Variants in RANBP17 observed in about 807,000 individuals in gnomAD.
RANBP17 encodes the protein ran-binding protein 17.
Under a neutral mutation model 141.2 loss-of-function variants are expected in RANBP17, and 158 were observed. That is an observed-to-expected ratio of 1.12 (90% confidence interval 0.98 to 1.28). The LOEUF (loss-of-function observed/expected upper bound fraction) is 1.28. Among genes scored for constraint, RANBP17 ranks in the 50% most tolerant of loss-of-function variants. The pLI is 0.00. For synonymous variants in RANBP17, 430 were observed against 450.0 expected (o/e 0.96, Z 0.56); for missense variants, 1,438 against 1,290.7 (o/e 1.11, Z -1.75).
intron 14 of RANBP17, among the ~76,000 whole-genome samples, chr5:171,168,434 A>T (rs1331377436): frequency 2.0e-5 from 3 of 152,198 alleles, no homozygotes; most frequent in African/African-American, 7.2e-5. Context: ...GGCTGAGGCC[A>T]AGTTGTGAAA....
intron 3 of RANBP17, among the ~76,000 whole-genome samples, chr5:170,884,111 A>T (rs1768952433): frequency 6.6e-6 from 1 of 152,166 alleles, no homozygotes; most frequent in East Asian, 1.9e-4. Flanking sequence ...CCTTGCCAGC[A>T]TTTGCCATTT....
At chr5:171,057,407 T>C (rs1783466092) in intron 14 of RANBP17, among the ~76,000 whole-genome samples, 1 of 152,156 alleles carries the variant, frequency 6.6e-6, no homozygotes, top group African/African-American at 2.4e-5. Context: ...TGTTTATATA[T>C]GTGTTTATTG....
intron 18 of RANBP17, among the ~76,000 whole-genome samples, chr5:171,192,232 TG>T (rs1034049892): frequency 5.9e-5 from 9 of 151,966 alleles, no homozygotes; most frequent in African/African-American, 2.2e-4. Flanking sequence ...CATGGGGGGA[TG>T]GGGGAGTGGG....
intron 5 of RANBP17, chr5:170,897,131 C>A: frequency 1.2e-6 from 1 of 826,842 alleles, no homozygotes. Context: ...TCTGCAGGGA[C>A]CACTGAGAGA....
chr5:170,985,330 G>T (rs1778074364), intron 14 of RANBP17, among the ~76,000 whole-genome samples: 1 of 152,094 alleles, frequency 6.6e-6, no homozygotes, highest in Non-Finnish European at 1.5e-5. Flanking sequence ...AATACGTGTT[G>T]TTAAGGTCCT....
At chr5:171,136,605 C>G (rs1402489093) in intron 14 of RANBP17, among the ~76,000 whole-genome samples, 1 of 152,070 alleles carries the variant, frequency 6.6e-6, no homozygotes, top group Non-Finnish European at 1.5e-5. Flanking sequence ...GCTATCAGGA[C>G]TCTTTAAAAG....
intron 14 of RANBP17, among the ~76,000 whole-genome samples, chr5:171,104,491 C>T (rs1262523211): frequency 6.6e-6 from 1 of 152,180 alleles, no homozygotes; most frequent in African/African-American, 2.4e-5. Flanking sequence ...TGCCTTTTTA[C>T]TTCTGCTTCA....
intron 14 of RANBP17, among the ~76,000 whole-genome samples, chr5:171,062,855 G>T (rs567240211): frequency 6.6e-6 from 1 of 151,860 alleles, no homozygotes; most frequent in Non-Finnish European, 1.5e-5. Flanking sequence ...GGCTTTGTTC[G>T]TTTCTTTTTA....
intron 14 of RANBP17, among the ~76,000 whole-genome samples, chr5:171,016,513 T>C (rs1431692116): frequency 2.0e-5 from 3 of 152,044 alleles, no homozygotes; most frequent in African/African-American, 4.8e-5. Context: ...ATCTGGTTTT[T>C]GTTCTTTTTT....
intron 14 of RANBP17, among the ~76,000 whole-genome samples, chr5:171,142,882 G>C (rs1757795446): frequency 6.6e-6 from 1 of 152,212 alleles, no homozygotes; most frequent in Non-Finnish European, 1.5e-5. Flanking sequence ...TTCAGACCTT[G>C]AGCTCTTAAG....
In RANBP17 at chr5:170,957,250, T is replaced by C. The variant is rs954090243; in HGVS notation, c.1574+3548T>C. Among the ~76,000 whole-genome samples the C allele has an allele frequency of 3.3e-5, 5 of 151,816 alleles. No individual in the cohort carries two copies. In the South Asian group the frequency reaches 1.0e-3, roughly 31 times the overall value. On this transcript the variant is annotated intron_variant, in intron 13 of 27. Transcript: ENST00000523189. Reference sequence around the variant, plus strand: ...TTGAACTAAGATTTGTGTTTTGGCCTGCATTCCCTGGAAAACAGAGCCTTG... The same window carrying C: ...TTGAACTAAGATTTGTGTTTTGGCCCGCATTCCCTGGAAAACAGAGCCTTG...
chr5:171,093,795 G>A (rs986551086), intron 14 of RANBP17, among the ~76,000 whole-genome samples: 4 of 152,178 alleles, frequency 2.6e-5, no homozygotes, highest in South Asian at 2.1e-4. Flanking sequence ...ATAGAGTAAT[G>A]CAGACTAAAT....
chr5:171,134,686 G>A (rs1178395021), intron 14 of RANBP17, among the ~76,000 whole-genome samples: 1 of 152,144 alleles, frequency 6.6e-6, no homozygotes, highest in Admixed American at 6.5e-5. Flanking sequence ...AGCCCAGGTC[G>A]AGGCAGGTGG....
chr5:171,230,950 T>C (rs1306203432), intron 22 of RANBP17, among the ~76,000 whole-genome samples: 2 of 152,012 alleles, frequency 1.3e-5, no homozygotes, highest in Non-Finnish European at 2.9e-5. Context: ...TTTTGTTTTT[T>C]TGTTGAGACA....
At chr5:171,232,204 A>G (rs1263871291) in intron 22 of RANBP17, among the ~76,000 whole-genome samples, 1 of 152,226 alleles carries the variant, frequency 6.6e-6, no homozygotes, top group African/African-American at 2.4e-5. Context: ...TAATATGCTT[A>G]TAAAATAACC....
At chr5:171,171,897 C>A (rs1366010282) in intron 16 of RANBP17, among the ~76,000 whole-genome samples, 1 of 151,882 alleles carries the variant, frequency 6.6e-6, no homozygotes, top group African/African-American at 2.4e-5. Context: ...CTCTGTCTAG[C>A]AGATTTTTAA....
chr5:171,062,223 G>A (rs1365099903), intron 14 of RANBP17, among the ~76,000 whole-genome samples: 1 of 152,072 alleles, frequency 6.6e-6, no homozygotes, highest in Non-Finnish European at 1.5e-5. Context: ...TGGTGATTTT[G>A]CTCGTTAGTT....
chr5:171,108,811 G>A (rs173465), intron 14 of RANBP17, among the ~76,000 whole-genome samples: 109,103 of 152,076 alleles, frequency 0.72, 39,363 homozygotes, highest in South Asian at 0.91. Context: ...GGAAAAACTT[G>A]CTAGAATGTT....
intron 24 of RANBP17, among the ~76,000 whole-genome samples, chr5:171,257,334 A>T (rs952709571): frequency 6.6e-6 from 1 of 152,246 alleles, no homozygotes; most frequent in Non-Finnish European, 1.5e-5. Flanking sequence ...GAATAGATGC[A>T]GAAAAACCAT....
Sources: allele counts gnomAD v4.1 joint callset (sites outside exome capture counted in the v4.1 genomes callset), GRCh38; gene constraint gnomAD v4.1.1; transcripts MANE v1.5; gene names NCBI Gene and HGNC (gene_info 2026-07-23, HGNC 2026-07-21).